Variants in PSME4 observed in about 807,000 individuals in gnomAD.
PSME4 encodes proteasome activator subunit 4.
Under a neutral mutation model 253.9 loss-of-function variants are expected in PSME4, and 89 were observed. The ratio of observed to expected loss-of-function variants is 0.35; its 90% CI spans 0.30 to 0.42. PSME4 has a LOEUF of 0.42. PSME4 is among the 10% of genes least tolerant of loss of function. The pLI is 1.00. For missense variants in PSME4, 2,014 were observed against 2,195.2 expected (o/e 0.92, Z 1.65); for synonymous variants, 851 against 759.2 (o/e 1.12, Z -1.99).
At chr2:53,883,833 A>G (rs1679510430) in intron 41 of PSME4, among the ~76,000 whole-genome samples, 1 of 151,962 alleles carries the variant, frequency 6.6e-6, no homozygotes, top group African/African-American at 2.4e-5. Context: ...ATGACATTTA[A>G]GTTTGTACCA....
At chr2:53,931,249 G>A (rs768502598) in intron 10 of PSME4, among the ~76,000 whole-genome samples, 1 of 151,884 alleles carries the variant, frequency 6.6e-6, no homozygotes, top group African/African-American at 2.4e-5. Flanking sequence ...CAGCCTGGGG[G>A]ACTACAGCAA....
In PSME4 at chr2:53,901,474, G is replaced by A; in HGVS notation, c.3161C>T (p.Pro1054Leu). The change falls in exon 28 of 47, where the codon CCA becomes CTA. Residue 1054 changes from proline (P) to leucine (L), a missense_variant. By Grantham distance (98) the Pro-to-Leu change is moderately conservative (BLOSUM62 -3). Transcript: ENST00000404125. ...GCTAAGCCCTGAAGAAACAATCGCT[G>A]GCCACGTCTGTACAATACAGTCCCA... ...HDWDCIVQTW[P>L]AIVSSGLSQA... 6.2e-7 allele frequency: 1 copy of A among 1,613,912 alleles called. No individual in the cohort carries two copies. Among genetic ancestry groups the A allele is most frequent in the Non-Finnish European group, 8.5e-7 (1 of 1,179,890 alleles).
At chr2:53,908,299 C>T in intron 24 of PSME4, 21 bp downstream of exon 24, 2 of 1,572,036 alleles carry the variant, frequency 1.3e-6, no homozygotes, top group Non-Finnish European at 1.7e-6. Flanking sequence ...TTAGTGCAGA[C>T]TTTTAGGTGA....
intron 3 of PSME4, among the ~76,000 whole-genome samples, chr2:53,941,215 A>G (rs1276942979): frequency 1.4e-5 from 2 of 146,008 alleles, no homozygotes; most frequent in African/African-American, 5.1e-5. Flanking sequence ...TTGGAGCAGT[A>G]GAAATCCTCT....
intron 3 of PSME4, among the ~76,000 whole-genome samples, chr2:53,946,145 T>C (rs1669688371): frequency 6.6e-6 from 1 of 152,196 alleles, no homozygotes; most frequent in Non-Finnish European, 1.5e-5. Flanking sequence ...AAGCCATAGA[T>C]ACTTATTAAT....
In PSME4 at chr2:53,927,448, C is replaced by T. The variant is rs1428641434; in HGVS notation, c.1539G>A (p.Leu513=). The T allele has an allele frequency of 6.3e-7, 1 of 1,597,258 alleles. No homozygotes were observed. Among genetic ancestry groups the T allele is most frequent in the African/African-American group, 1.3e-5 (1 of 74,504 alleles). Residue 513 remains leucine (L), a synonymous_variant, in exon 12 of 47, where the codon CTG becomes CTA. Transcript: ENST00000404125. ...CAGATGAACAATCTACTAAAGGCAC[C>T]AGAGTAGAAAATGTTGCTATGAACT... ...TFQFIATFST[L]VPLVDCSSVL...
At chr2:53,922,808 C>T (rs922360271) in intron 16 of PSME4, among the ~76,000 whole-genome samples, 1 of 152,038 alleles carries the variant, frequency 6.6e-6, no homozygotes, top group African/African-American at 2.4e-5. Flanking sequence ...CTATATCTCA[C>T]AAAATAACTG....
intron 14 of PSME4, 90 bp from the exon 15 acceptor site, chr2:53,923,509 C>T (rs1185897566): frequency 7.1e-7 from 1 of 1,411,068 alleles, no homozygotes; most frequent in African/African-American, 1.5e-5. Flanking sequence ...TATATTTAGA[C>T]AATTCCAAAA....
chr2:53,916,882 C>T (rs546468964), intron 20 of PSME4, among the ~76,000 whole-genome samples: 61 of 152,066 alleles, frequency 4.0e-4, no homozygotes, highest in Admixed American at 6.6e-4. Context: ...CAAAGGAAGA[C>T]GGAAAACTCC....
At chr2:53,882,679 T>A (rs1213543032) in intron 41 of PSME4, among the ~76,000 whole-genome samples, 2 of 152,198 alleles carry the variant, frequency 1.3e-5, no homozygotes, top group Non-Finnish European at 2.9e-5. Context: ...CTGCCTCTTG[T>A]TGTCTATCTG....
chr2:53,900,357 G>C (rs907098008), intron 28 of PSME4, among the ~76,000 whole-genome samples: 1 of 151,102 alleles, frequency 6.6e-6, no homozygotes, highest in Admixed American at 6.6e-5. Context: ...CCATGAGTTT[G>C]AGACCAGCCC....
chr2:53,909,048 A>G (rs1283406333), intron 21 of PSME4, among the ~76,000 whole-genome samples: 1 of 152,176 alleles, frequency 6.6e-6, no homozygotes, highest in Non-Finnish European at 1.5e-5. Flanking sequence ...GATGTCTATC[A>G]TGCTTCAAGA....
intron 41 of PSME4, among the ~76,000 whole-genome samples, chr2:53,882,074 T>C (rs1268534899): frequency 2.0e-5 from 3 of 151,992 alleles, no homozygotes; most frequent in Non-Finnish European, 4.4e-5. Flanking sequence ...TTTATGGATA[T>C]AAAACTGCTT....
rs530987032 is a variant in PSME4 at position 53,950,822 on chromosome 2, CAA to C, written c.243-1541_243-1540del. The stretch of plus-strand genomic sequence containing the variant: ...TGCCGTTGCACTCCAGCCTGGGCAA[CAA>C]GAGAGAAACTCCGTCTCAAAAAAAA... On this transcript the variant is annotated intron_variant, in intron 1 of 46. Coordinates refer to ENST00000404125, the MANE Select transcript of PSME4 (RefSeq NM_014614.3). Among the ~76,000 whole-genome samples the C allele has an allele frequency of 1.1e-3, 120 of 105,532 alleles. 1 individual carries two copies. Among genetic ancestry groups the C allele is most frequent in the African/African-American group, 3.9e-3 (108 of 27,708 alleles). 69.2% of individuals were successfully genotyped at this position (105,532 alleles called of 152,430 possible).
intron 11 of PSME4, 70 bp downstream of exon 11, chr2:53,928,047 C>A: frequency 7.9e-7 from 1 of 1,262,870 alleles, no homozygotes; most frequent in Middle Eastern, 1.9e-4. Context: ...ACTTCTCCAA[C>A]CTTTTGTCAC....
At chr2:53,960,291 T>C (rs2104486989) in intron 1 of PSME4, among the ~76,000 whole-genome samples, 1 of 150,586 alleles carries the variant, frequency 6.6e-6, no homozygotes, top group African/African-American at 2.4e-5. Context: ...CCTAGCTTCT[T>C]GGGAGGCTGA....
intron 41 of PSME4, among the ~76,000 whole-genome samples, chr2:53,876,716 CTT>C (rs10599430): frequency 0.12 from 11,224 of 97,596 alleles, 824 homozygotes; most frequent in African/African-American, 0.25. Flanking sequence ...CACTGTCATT[CTT>C]TTTTTTTTTT....
chr2:53,918,896 A>C (rs1668177621), intron 20 of PSME4, among the ~76,000 whole-genome samples: 1 of 152,196 alleles, frequency 6.6e-6, no homozygotes, highest in South Asian at 2.1e-4. Flanking sequence ...TAAGAGACTA[A>C]CTTAATATCT....
At chr2:53,928,676 G>C (rs1668683023) in intron 10 of PSME4, among the ~76,000 whole-genome samples, 1 of 152,104 alleles carries the variant, frequency 6.6e-6, no homozygotes, top group South Asian at 2.1e-4. Flanking sequence ...AAAAAACACA[G>C]TATACATAGG....
Sources: gnomAD v4.1 joint callset for allele counts (sites outside exome capture counted in the v4.1 genomes callset) on GRCh38, gnomAD v4.1.1 for gene constraint, MANE v1.5 for transcripts, NCBI Gene and HGNC (gene_info 2026-07-23, HGNC 2026-07-21) for gene names.